The following UBTF variants were observed in gnomAD, a reference collection of about 807,000 sequenced individuals.
UBTF encodes the protein upstream binding transcription factor, also known as nucleolar transcription factor 1.
A neutral mutation model predicts 112.3 loss-of-function variants in UBTF; 8 were observed. The observed-to-expected ratio is 0.07, with a 90% CI of 0.04 to 0.13. The LOEUF is 0.13. Ranked by LOEUF, UBTF falls within the 10% of genes least tolerant of loss-of-function variation. UBTF has a pLI of 1.00. For synonymous variants in UBTF, 417 were observed against 373.1 expected (o/e 1.12, Z -1.36); for missense variants, 457 against 982.1 (o/e 0.47, Z 7.15).
rs1452964275 is a variant in UBTF, at chr17:44,205,640, G to A, written c.*1602C>T. 1 of 152,116 alleles carries A rather than the reference G, an allele frequency of 6.6e-6. No individual in the cohort carries two copies. Among genetic ancestry groups the A allele is most frequent in the African/African-American group, 2.4e-5 (1 of 41,380 alleles). 9.4% of individuals were successfully genotyped at this position (152,116 alleles called of 1,614,324 possible). ...GACCCACCAGCCTCTCTGGGACCAG[G>A]GCCCTTCACCGTTCTTGCTCCACCT... On this transcript the variant is annotated 3_prime_UTR_variant, in exon 21 of 21. Transcript: ENST00000436088.
intron 2 of UBTF, 150 bp from the exon 3 acceptor site, chr17:44,216,854 C>T: frequency 1.4e-6 from 1 of 734,666 alleles, no homozygotes; most frequent in Non-Finnish European, 2.3e-6. Flanking sequence ...ATGGCTCAGC[C>T]CTAAGGAAAC....
At position 44,216,677 on chromosome 17, in the gene UBTF, G is replaced by A; in HGVS notation, c.86C>T (p.Thr29Ile). The A allele has an allele frequency of 6.2e-7, 1 of 1,614,216 alleles. No homozygotes were observed. Among genetic ancestry groups the A allele is most frequent in the Admixed American group, 1.7e-5 (1 of 60,020 alleles). ...GTTGTTCTTCATGCATTCCAGCAAA[G>A]TCAGCATGTCTTCCTGGGACCAACG... ...QDRWSQEDMLTLLECMKNNLP... is the reference protein window; with the variant it reads ...QDRWSQEDMLILLECMKNNLP... Residue 29 changes from threonine to isoleucine, a missense_variant, in exon 3 of 21, where the codon ACT becomes ATT. By Grantham distance (89) the Thr-to-Ile change is moderately conservative. Coordinates refer to ENST00000436088, the MANE Select transcript of UBTF (RefSeq NM_014233.4).
chr17:44,213,583 A>G (rs1457306148), intron 5 of UBTF, among the ~76,000 whole-genome samples: 1 of 152,238 alleles, frequency 6.6e-6, no homozygotes, highest in African/African-American at 2.4e-5. Context: ...CACAGTGCGC[A>G]GTGGCAGCGC....
At chr17:44,210,084 G>C in intron 15 of UBTF, 40 bp downstream of exon 15, 1 of 1,608,240 alleles carries the variant, frequency 6.2e-7, no homozygotes, top group East Asian at 2.2e-5. Flanking sequence ...GGGAGTTCCC[G>C]AGCTTTCAAT....
Position 44,206,898 on chromosome 17 carries a change from C to G in UBTF, c.*344G>C, listed in dbSNP as rs911135706. ...CGCAGGTGTGGAGGGCCTCATCAAA[C>G]TCTTTGGGACCCCCCACCCCCACTC... On this transcript the variant is annotated 3_prime_UTR_variant, in exon 21 of 21. Transcript: ENST00000436088. 4 of 402,302 alleles carry G rather than the reference C, an allele frequency of 9.9e-6. No homozygotes were observed. Among genetic ancestry groups the G allele is most frequent in the African/African-American group, 8.2e-5 (4 of 48,540 alleles). The allele number at this position is 402,302 out of a possible 1,614,324, so 24.9% of individuals were successfully genotyped here. A position where few individuals can be genotyped will look rare whatever the true frequency, so the allele number is the denominator to read the frequency against.
chr17:44,207,971 C>T (rs2056373253), intron 17 of UBTF, 60 bp from the exon 18 acceptor site: 1 of 1,607,666 alleles, frequency 6.2e-7, no homozygotes, highest in Non-Finnish European at 8.5e-7. Context: ...ACTGAGCATG[C>T]TGGCCCAGTG....
At position 44,207,302 on chromosome 17, in the gene UBTF, G is replaced by A. The variant is rs373418320; in HGVS notation, c.2235C>T (p.Ser745=). The change falls in exon 21 of 21, where the codon TCC becomes TCT. Residue 745 remains serine (S), a synonymous_variant. Coordinates refer to ENST00000436088, the MANE Select transcript of UBTF (RefSeq NM_014233.4). ...AGGAGGAGCTGGAGCTGCTGCCCTC[G>A]GACTCATTATCTTCATCCTCATCGT... is the stretch of plus-strand genomic sequence containing the variant. ...EDDDEDEDNE[S]EGSSSSSSSS... The A allele has an allele frequency of 3.0e-5, 49 of 1,612,770 alleles. 1 individual carries two copies. In the South Asian group the frequency reaches 3.5e-4, roughly 12 times the overall value.
At chr17:44,207,398 A>C (rs775624252) in intron 20 of UBTF, 31 bp from the exon 21 acceptor site, 2 of 1,612,270 alleles carry the variant, frequency 1.2e-6, no homozygotes, top group Non-Finnish European at 1.7e-6. Flanking sequence ...TGGAGTCACC[A>C]GGTGGCCCTC....
chr17:44,208,832 A>G, intron 17 of UBTF: 1 of 289,672 alleles, frequency 3.5e-6, no homozygotes, highest in Admixed American at 4.8e-5. Context: ...TCTTCTACTT[A>G]CTGTGTGACC....
Position 44,213,267 on chromosome 17 carries a change from C to T in UBTF, c.490G>A (p.Asp164Asn). 6.2e-7 allele frequency: 1 copy of T among 1,613,768 alleles called. No individual in the cohort carries two copies. The highest frequency in any genetic ancestry group is 8.5e-7 in the Non-Finnish European group (1 of 1,179,790). The stretch of plus-strand genomic sequence containing the variant: ...AACTCCTGTTTCTCTCTCTGGAAGT[C>T]CTGAATATATTTCATCTGGGGGGAG... ...PEKKKMKYIQ[D>N]FQREKQEFER... is the part of the protein sequence containing the mutation. The change falls in exon 6 of 21, where the codon GAC (aspartate) becomes AAC (asparagine). Residue 164 changes from aspartate to asparagine, a missense_variant. By Grantham distance (23) the Asp-to-Asn change is conservative (BLOSUM62 1). Transcript: ENST00000436088.
rs140790168 is a variant in UBTF at position 44,218,200 on chromosome 17, G to C, written c.30C>G (p.Asp10Glu). 1.9e-6 allele frequency: 3 copies of C among 1,612,652 alleles called. No individual in the cohort carries two copies. Among genetic ancestry groups the C allele is most frequent in the Admixed American group, 1.7e-5 (1 of 59,674 alleles). The change falls in exon 2 of 21, where the codon GAC (aspartate) becomes GAG (glutamate). Residue 10 changes from aspartate (D) to glutamate (E), a missense_variant. Coordinates refer to ENST00000436088, the MANE Select transcript of UBTF (RefSeq NM_014233.4). MNGEADCPT[D>E]LEMAAPKGQD... ...GGCCTTTGGGGGCGGCCATTTCCAG[G>C]TCTGTGGGGCAGTCGGCTTCTCCGT...
At chr17:44,212,995 A>G in intron 6 of UBTF, 56 bp from the exon 7 acceptor site, 1 of 1,597,116 alleles carries the variant, frequency 6.3e-7, no homozygotes, top group Non-Finnish European at 8.6e-7. Context: ...GGCAGACTCA[A>G]GCTAGCTGCC....
chr17:44,212,329 C>G lies in UBTF; in HGVS notation c.771+15G>C. On this transcript the variant is annotated intron_variant, in intron 8 of 20. Transcript: ENST00000436088. ...GTGAAGAGCCGGACGGGGAGGAGCGCAGCGGAAGCCTAACCTCGTACTCCT... is the reference window on the plus strand; with the variant it reads ...GTGAAGAGCCGGACGGGGAGGAGCGGAGCGGAAGCCTAACCTCGTACTCCT... 1 of 1,604,650 alleles carries G rather than the reference C, an allele frequency of 6.2e-7. No homozygotes were observed.
At chr17:44,212,992 T>C in intron 6 of UBTF, 53 bp from the exon 7 acceptor site, 1 of 1,598,368 alleles carries the variant, frequency 6.3e-7, no homozygotes, top group Non-Finnish European at 8.5e-7. Context: ...CAGGGCAGAC[T>C]CAAGCTAGCT....
Position 44,212,020 on chromosome 17 carries a change from TG to T in UBTF, c.772-15del, listed in dbSNP as rs759607287. The T allele has an allele frequency of 3.4e-6, 5 of 1,452,236 alleles. No homozygotes were observed. The highest frequency in any genetic ancestry group is 1.3e-5 in the South Asian group (1 of 76,392). 90.0% of individuals were successfully genotyped at this position (1,452,236 alleles called of 1,614,324 possible). ...TCTCATGATCTCCTGCAGAGCCAGGTGGGGGGACGGAGGGCAATGGGGTGTG... is the reference window on the plus strand; with the variant it reads ...TCTCATGATCTCCTGCAGAGCCAGGTGGGGGACGGAGGGCAATGGGGTGTG... On this transcript the variant is annotated splice_polypyrimidine_tract_variant and intron_variant, in intron 8 of 20. Transcript: ENST00000436088.
chr17:44,218,850 T>A (rs538052968), intron 1 of UBTF, among the ~76,000 whole-genome samples: 1 of 149,578 alleles, frequency 6.7e-6, no homozygotes, highest in South Asian at 2.1e-4. Context: ...GGGGACCGGA[T>A]CCGGATTCCC....
In UBTF at chr17:44,210,022, G is replaced by A; in HGVS notation, c.1626+102C>T. On this transcript the variant is annotated intron_variant, in intron 15 of 20. Transcript: ENST00000436088. ...TCAGAGAAGGAAGCTGAGACTTGCT[G>A]AGAGTCACAGACCAAGGCTGGGACT... The A allele has an allele frequency of 2.5e-6, 3 of 1,216,016 alleles. No homozygotes were observed. In the South Asian group the frequency reaches 3.8e-5, roughly 15 times the overall value. The allele number at this position is 1,216,016 out of a possible 1,614,324, so 75.3% of individuals were successfully genotyped here.
chr17:44,216,015 G>C lies in UBTF; in HGVS notation c.235-26C>G, dbSNP rs76052008. 5,824 of 1,591,360 alleles carry C rather than the reference G, an allele frequency of 3.7e-3. 150 individuals carry two copies. In the African/African-American group the frequency reaches 0.066, roughly 18 times the overall value. On this transcript the variant is annotated intron_variant, in intron 3 of 20. Coordinates refer to ENST00000436088, the MANE Select transcript of UBTF (RefSeq NM_014233.4). ...CTGGAGGAAGAGGGGTGGGAGGAAG[G>C]GGAAGTTGGGAAAAGGAAAATGCCA...
intron 17 of UBTF, chr17:44,208,959 C>A: frequency 3.0e-6 from 1 of 336,294 alleles, no homozygotes; most frequent in South Asian, 2.1e-5. Context: ...CCGAGGTGGG[C>A]GGATCACATG....
Sources: allele counts gnomAD v4.1 joint callset (sites outside exome capture counted in the v4.1 genomes callset), GRCh38; gene constraint gnomAD v4.1.1; transcripts MANE v1.5; gene names NCBI Gene and HGNC (gene_info 2026-07-23, HGNC 2026-07-21).